The following RYR2 variants were observed in gnomAD, a reference collection of about 807,000 sequenced individuals.
RYR2 encodes the protein cardiac muscle ryanodine receptor-calcium release channel.
RYR2 carries 227 observed loss-of-function variants against 601.1 expected under a neutral mutation model. The observed-to-expected ratio is 0.38, with a 90% CI of 0.34 to 0.42. RYR2 has a LOEUF of 0.42. Ranked by LOEUF, RYR2 falls within the 10% of genes least tolerant of loss-of-function variation. RYR2 has a pLI of 1.00. For synonymous variants in RYR2, 2,223 were observed against 2,175.1 expected (o/e 1.02, Z -0.61); for missense variants, 4,646 against 6,156.5 (o/e 0.75, Z 8.21).
At chr1:237,310,560 T>TA (rs746116680) in intron 2 of RYR2, among the ~76,000 whole-genome samples, 78 of 152,172 alleles carry the variant, frequency 5.1e-4, no homozygotes, top group Non-Finnish European at 6.2e-4. Context: ...TACCATACCC[T>TA]ACCTCTTTCC....
intron 63 of RYR2, among the ~76,000 whole-genome samples, chr1:237,696,757 A>T (rs1160868557): frequency 6.6e-6 from 1 of 150,514 alleles, no homozygotes; most frequent in Non-Finnish European, 1.5e-5. Flanking sequence ...CCTTAGAGTT[A>T]TCCTTGACTG....
intron 17 of RYR2, among the ~76,000 whole-genome samples, chr1:237,486,135 TG>T (rs1307229908): frequency 2.0e-5 from 3 of 152,214 alleles, no homozygotes; most frequent in Admixed American, 6.5e-5. Context: ...CTTGAATATA[TG>T]GATGCACGAT....
intron 1 of RYR2, among the ~76,000 whole-genome samples, chr1:237,217,615 G>A (rs1425618497): frequency 2.6e-5 from 4 of 152,154 alleles, no homozygotes; most frequent in Non-Finnish European, 4.4e-5. Flanking sequence ...CTGGTACATG[G>A]TAAGAACTCA....
rs1463140519 is a variant in RYR2, at chr1:237,228,595, T to TA, written c.49-41901dup. On this transcript the variant is annotated intron_variant, in intron 1 of 104. Coordinates refer to ENST00000366574, the MANE Select transcript of RYR2 (RefSeq NM_001035.3). Reference sequence around the variant, plus strand: ...TATGCACAACACTAAAGATTTGCTGTACATGTGATAAACAACATAGCATGC... The same window carrying TA: ...TATGCACAACACTAAAGATTTGCTGTAACATGTGATAAACAACATAGCATGC... Among the ~76,000 whole-genome samples the TA allele has an allele frequency of 2.0e-5, 3 of 152,206 alleles. No homozygotes were observed. In the East Asian group the frequency reaches 5.8e-4, roughly 29 times the overall value.
At chr1:237,470,771 AC>A (rs1660629066) in intron 17 of RYR2, among the ~76,000 whole-genome samples, 1 of 152,170 alleles carries the variant, frequency 6.6e-6, no homozygotes, top group South Asian at 2.1e-4. Flanking sequence ...GGACACACAC[AC>A]AAGGAGTGAG....
At chr1:237,467,614 A>G (rs1433977643) in intron 16 of RYR2, among the ~76,000 whole-genome samples, 1 of 152,164 alleles carries the variant, frequency 6.6e-6, no homozygotes, top group African/African-American at 2.4e-5. Context: ...GAGGCGCTAT[A>G]CACAAAAAAG....
chr1:237,480,578 T>G (rs1661938342), intron 17 of RYR2, among the ~76,000 whole-genome samples: 1 of 141,086 alleles, frequency 7.1e-6, no homozygotes, highest in Non-Finnish European at 1.5e-5. Flanking sequence ...GACTTTAACT[T>G]CTATAGTTTG....
At chr1:237,200,149 G>A (rs1681022218) in intron 1 of RYR2, among the ~76,000 whole-genome samples, 1 of 152,102 alleles carries the variant, frequency 6.6e-6, no homozygotes, top group South Asian at 2.1e-4. Flanking sequence ...GAGGAGCTAG[G>A]ATTTGAATTC....
chr1:237,468,494 C>G (rs1326658507), intron 16 of RYR2, among the ~76,000 whole-genome samples: 1 of 152,082 alleles, frequency 6.6e-6, no homozygotes, highest in Non-Finnish European at 1.5e-5. Flanking sequence ...AATTTCAGGT[C>G]TTTAATATAC....
At chr1:237,679,629 C>A (rs1337372603) in intron 61 of RYR2, among the ~76,000 whole-genome samples, 1 of 152,150 alleles carries the variant, frequency 6.6e-6, no homozygotes, top group African/African-American at 2.4e-5. Flanking sequence ...AGAAATGTTT[C>A]TTGTTTTTGT....
intron 102 of RYR2, 169 bp from the exon 103 acceptor site, chr1:237,830,361 G>A: frequency 3.8e-6 from 2 of 523,374 alleles, no homozygotes; most frequent in Non-Finnish European, 3.5e-6. Context: ...CCAAGATATA[G>A]TTACAGCGAC....
rs41376949 is a variant in RYR2 at position 237,215,583 on chromosome 1, G to T, written c.49-54914G>T. Among the ~76,000 whole-genome samples, 973 of 152,156 alleles carry T rather than the reference G, an allele frequency of 6.4e-3. 7 individuals are homozygous for T. Among genetic ancestry groups the T allele is most frequent in the Non-Finnish European group, 0.01 (703 of 67,974 alleles). ...ATTTTAAACTTATCAAAATACTTGTGTTGTTTTCATATACAAATAAAGAGA... is the reference window on the plus strand; with the variant it reads ...ATTTTAAACTTATCAAAATACTTGTTTTGTTTTCATATACAAATAAAGAGA... On this transcript the variant is annotated intron_variant, in intron 1 of 104. Transcript: ENST00000366574.
chr1:237,556,900 AAAAAAAAAAC>A (rs1302218159), intron 27 of RYR2, among the ~76,000 whole-genome samples: 1 of 91,308 alleles, frequency 1.1e-5, no homozygotes, highest in African/African-American at 3.6e-5. Flanking sequence ...AAAAAAAAAA[AAAAAAAAAAC>A]CCTCTCAGTG....
chr1:237,626,547 G>A (rs1020940514), intron 40 of RYR2, among the ~76,000 whole-genome samples: 11 of 124,780 alleles, frequency 8.8e-5, no homozygotes, highest in African/African-American at 2.9e-4. Flanking sequence ...TCAGAGTTCA[G>A]TGTTTCTTTC....
rs766039441 is a variant in RYR2 at position 237,065,269 on chromosome 1, C to CTTTTT, written c.48+22723_48+22727dup. ...CCTCAAAGAGCTCTTGTGTGCTATC[C>CTTTTT]TTTTTTTTTTTTTTTTTTTTTTTTT... On this transcript the variant is annotated intron_variant, in intron 1 of 104. Transcript: ENST00000366574. Among the ~76,000 whole-genome samples the CTTTTT allele has an allele frequency of 4.0e-4, 31 of 77,502 alleles. 7 individuals are homozygous for CTTTTT. The highest frequency in any genetic ancestry group is 8.3e-4 in the African/African-American group (16 of 19,192). 50.8% of individuals were successfully genotyped at this position (77,502 alleles called of 152,430 possible).
At chr1:237,749,683 A>G (rs1295495603) in intron 80 of RYR2, among the ~76,000 whole-genome samples, 3 of 152,200 alleles carry the variant, frequency 2.0e-5, no homozygotes, top group African/African-American at 7.2e-5. Context: ...TTTGCTATCC[A>G]GGCATAAATT....
intron 80 of RYR2, among the ~76,000 whole-genome samples, chr1:237,743,937 T>G (rs1025393636): frequency 1.3e-5 from 2 of 152,236 alleles, no homozygotes; most frequent in Non-Finnish European, 2.9e-5. Context: ...ACTTCTCATT[T>G]TCGGTGCAAT....
At chr1:237,412,771 C>T (rs1704575850) in intron 10 of RYR2, among the ~76,000 whole-genome samples, 1 of 152,114 alleles carries the variant, frequency 6.6e-6, no homozygotes, top group Admixed American at 6.6e-5. Context: ...CTGTTGCTAT[C>T]AGTCTGTGTA....
At chr1:237,378,361 G>T (rs1031160268) in intron 8 of RYR2, among the ~76,000 whole-genome samples, 1 of 152,246 alleles carries the variant, frequency 6.6e-6, no homozygotes, top group East Asian at 1.9e-4. Flanking sequence ...TTAGTAAGTT[G>T]TAGTTTTGCC....
Sources: gnomAD v4.1 joint callset for allele counts (sites outside exome capture counted in the v4.1 genomes callset) on GRCh38, gnomAD v4.1.1 for gene constraint, MANE v1.5 for transcripts, NCBI Gene and HGNC (gene_info 2026-07-23, HGNC 2026-07-21) for gene names.